Variants in AHCTF1 observed in about 807,000 individuals in gnomAD.
AHCTF1 encodes the protein protein ELYS.
In AHCTF1, 24 loss-of-function variants were observed where a neutral mutation model predicts 248.4. The observed-to-expected ratio is 0.10, with a 90% CI of 0.07 to 0.14. AHCTF1 has a LOEUF of 0.14. Among genes scored for constraint, AHCTF1 ranks in the 10% least tolerant of loss-of-function variants. The probability of loss-of-function intolerance (pLI) is 1.00; values close to 1 mark genes in which losing one functional copy is unlikely to be tolerated. For synonymous variants in AHCTF1, 786 were observed against 929.8 expected, an observed-to-expected ratio of 0.85 and a Z score of 2.81; for missense variants, 2,206 against 2,636.2, an observed-to-expected ratio of 0.84 and a Z score of 3.57.
intron 4 of AHCTF1, among the ~76,000 whole-genome samples, chr1:246,909,282 T>C (rs965754428): frequency 7.1e-6 from 1 of 141,048 alleles, no homozygotes; most frequent in South Asian, 2.2e-4. Context: ...CCGCACATGG[T>C]GGTGTGCAAC....
chr1:246,872,857 CAT>C (rs1558236122), intron 24 of AHCTF1, among the ~76,000 whole-genome samples: 1 of 152,174 alleles, frequency 6.6e-6, no homozygotes, highest in Non-Finnish European at 1.5e-5. Flanking sequence ...ACTCTTAAAA[CAT>C]GTGAAACCAC....
At chr1:246,846,393 G>C (rs1407824018) in intron 33 of AHCTF1, among the ~76,000 whole-genome samples, 4 of 151,940 alleles carry the variant, frequency 2.6e-5, no homozygotes, top group Non-Finnish European at 5.9e-5. Context: ...TCCTAGAGTG[G>C]TCATTGCTTT....
intron 2 of AHCTF1, 68 bp downstream of exon 2, chr1:246,918,182 T>C: frequency 7.0e-7 from 1 of 1,423,396 alleles, no homozygotes; most frequent in Non-Finnish European, 9.3e-7. Flanking sequence ...GAAACTATAA[T>C]ATATACTTAT....
At position 246,861,304 on chromosome 1, in the gene AHCTF1, TAA is replaced by T. The variant is rs773359458; in HGVS notation, c.3736-11_3736-10del. 5.0e-6 allele frequency: 8 copies of T among 1,591,552 alleles called. No individual in the cohort carries two copies. The African/African-American group carries it at 1.1e-4, about 21-fold the overall frequency. On this transcript the variant is annotated splice_polypyrimidine_tract_variant and intron_variant, in intron 28 of 35. Transcript: ENST00000648844. ...TTGCTATCATCTGCAGCCTGTAAAG[TAA>T]GATTTTGAAAAGAAAAAAATTAGTA...
chr1:246,919,817 T>G (rs1052923636), intron 1 of AHCTF1, among the ~76,000 whole-genome samples: 8 of 151,462 alleles, frequency 5.3e-5, no homozygotes, highest in African/African-American at 1.9e-4. Flanking sequence ...AAAGAATTCT[T>G]AAAGAATTCT....
intron 1 of AHCTF1, among the ~76,000 whole-genome samples, chr1:246,924,670 TGA>T (rs1666811467): frequency 6.6e-6 from 1 of 152,138 alleles, no homozygotes; most frequent in Admixed American, 6.6e-5. Flanking sequence ...TTAAAATATA[TGA>T]GTTATCATTT....
intron 29 of AHCTF1, among the ~76,000 whole-genome samples, chr1:246,858,924 G>C (rs952467355): frequency 4.6e-5 from 7 of 152,008 alleles, no homozygotes; most frequent in Admixed American, 4.6e-4. Flanking sequence ...AGTAGAACAA[G>C]GCACATCAAA....
chr1:246,927,630 T>C (rs374068053), intron 1 of AHCTF1, among the ~76,000 whole-genome samples: 60 of 152,378 alleles, frequency 3.9e-4, no homozygotes, highest in African/African-American at 1.3e-3. Flanking sequence ...TGGCAACCTA[T>C]AAAAAGTAAT....
chr1:246,839,713 TAATA>T lies in AHCTF1; in HGVS notation c.*1089_*1092del, dbSNP rs768357436. 63 of 210,310 alleles carry T rather than the reference TAATA, an allele frequency of 3.0e-4. No individual in the cohort carries two copies. The highest frequency in any genetic ancestry group is 4.6e-4 in the Non-Finnish European group (56 of 120,618). 13.0% of individuals were successfully genotyped at this position (210,310 alleles called of 1,614,324 possible). A position where few individuals can be genotyped will look rare whatever the true frequency, so the allele number is the denominator to read the frequency against. On this transcript the variant is annotated 3_prime_UTR_variant, in exon 36 of 36. Coordinates refer to ENST00000648844, the MANE Select transcript of AHCTF1 (RefSeq NM_001323342.2). ...AGTTCGTTTCTAGATAATCAATTAT[TAATA>T]GTCCATTCATTACACACTATCGATT...
In AHCTF1 at chr1:246,900,086, T is replaced by C; in HGVS notation, c.1411A>G (p.Asn471Asp). ...PSYPPPEQFF[N>D]PSTYNFDATC... ...ATACCAAAATTATAAGTGCTTGGAT[T>C]AAAAAACTGCTCGGGAGGTGGATAT... Residue 471 changes from asparagine to aspartate, a missense_variant, in exon 10 of 36, where the codon AAT becomes GAT. This residue lies in a region of AHCTF1 where 650 missense variants were observed against 870.8 expected (regional missense o/e 0.75). Coordinates refer to ENST00000648844, the MANE Select transcript of AHCTF1 (RefSeq NM_001323342.2). 5 of 1,605,612 alleles carry C rather than the reference T, an allele frequency of 3.1e-6. No individual in the cohort carries two copies. Among genetic ancestry groups the C allele is most frequent in the Non-Finnish European group, 4.2e-6 (5 of 1,178,554 alleles).
chr1:246,855,701 A>G, intron 31 of AHCTF1, 29 bp downstream of exon 31: 1 of 1,539,552 alleles, frequency 6.5e-7, no homozygotes, highest in Non-Finnish European at 8.9e-7. Context: ...AAAATGGAAT[A>G]ATCCTGAAGT....
intron 12 of AHCTF1, among the ~76,000 whole-genome samples, chr1:246,896,417 A>AT (rs1231790089): frequency 6.6e-6 from 1 of 152,240 alleles, no homozygotes; most frequent in East Asian, 1.9e-4. Context: ...TATAATACAG[A>AT]TGAACCTTGA....
At chr1:246,847,420 T>A (rs375306954) in intron 33 of AHCTF1, among the ~76,000 whole-genome samples, 1 of 152,220 alleles carries the variant, frequency 6.6e-6, no homozygotes, top group Non-Finnish European at 1.5e-5. Context: ...TCTGGAACGA[T>A]ATACAGGAAA....
In AHCTF1 at chr1:246,889,953, T is replaced by A; in HGVS notation, c.2144+13A>T. 6.3e-7 allele frequency: 1 copy of A among 1,593,010 alleles called. No individual in the cohort carries two copies. The highest frequency in any genetic ancestry group is 8.6e-7 in the Non-Finnish European group (1 of 1,167,764). ...TTCTTACAGATGTAATTTCTAAAATTGTTTTACTATACCTTGATAAACGCT... is the reference window on the plus strand; with the variant it reads ...TTCTTACAGATGTAATTTCTAAAATAGTTTTACTATACCTTGATAAACGCT... On this transcript the variant is annotated intron_variant, in intron 17 of 35. Coordinates refer to ENST00000648844, the MANE Select transcript of AHCTF1 (RefSeq NM_001323342.2).
intron 14 of AHCTF1, among the ~76,000 whole-genome samples, chr1:246,892,761 A>G (rs1664304787): frequency 6.6e-6 from 1 of 152,000 alleles, no homozygotes; most frequent in Admixed American, 6.6e-5. Flanking sequence ...CCTCCCAAGG[A>G]GCTGGGACTA....
At position 246,849,985 on chromosome 1, in the gene AHCTF1, CCTT is replaced by C. The variant is rs755672914; in HGVS notation, c.6018_6020del (p.Arg2008del). Reference sequence around the variant, plus strand: ...TAGCTGGGGTATTTCTTGTAGATCTCCTTCTAATGCTGGGAGCTTCTTTCTTCT... The same window carrying C: ...TAGCTGGGGTATTTCTTGTAGATCTCCTAATGCTGGGAGCTTCTTTCTTCT... On this transcript the variant is annotated inframe_deletion, in exon 33 of 36. Coordinates refer to ENST00000648844, the MANE Select transcript of AHCTF1 (RefSeq NM_001323342.2). 3.1e-6 allele frequency: 5 copies of C among 1,613,934 alleles called. No homozygotes were observed. The highest frequency in any genetic ancestry group is 4.2e-6 in the Non-Finnish European group (5 of 1,179,870).
At chr1:246,930,432 C>CT (rs1434741470) in intron 1 of AHCTF1, among the ~76,000 whole-genome samples, 2 of 152,152 alleles carry the variant, frequency 1.3e-5, no homozygotes, top group African/African-American at 4.8e-5. Flanking sequence ...ACAACGTAGA[C>CT]TTCCCATAGC....
rs757483821 is a variant in AHCTF1, at chr1:246,922,810, G to A, written c.-7-4433C>T. Among the ~76,000 whole-genome samples the A allele has an allele frequency of 9.0e-4, 136 of 150,598 alleles. 1 individual carries two copies. The highest frequency in any genetic ancestry group is 1.2e-3 in the East Asian group (6 of 4,962). On this transcript the variant is annotated intron_variant, in intron 1 of 35. Transcript: ENST00000648844. The stretch of plus-strand genomic sequence containing the variant: ...ATCCTGGATAACACGGTGAAACCCT[G>A]TCTCTACTAAAAATACAAAAAAAAT...
At chr1:246,888,097 G>C (rs1041338624) in intron 19 of AHCTF1, 80 bp downstream of exon 19, 1 of 1,467,734 alleles carries the variant, frequency 6.8e-7, no homozygotes, top group Non-Finnish European at 9.4e-7. Context: ...CTTGCAATTA[G>C]ATATGTCAGG....
Sources: gnomAD v4.1 joint callset for allele counts (sites outside exome capture counted in the v4.1 genomes callset) on GRCh38, gnomAD v4.1.1 for gene constraint, gnomAD v4.1.1 regional missense constraint, MANE v1.5 for transcripts, NCBI Gene and HGNC (gene_info 2026-07-23, HGNC 2026-07-21) for gene names.